The following PCDH15 variants were observed in gnomAD, a reference collection of about 807,000 sequenced individuals.
PCDH15 encodes the protein protocadherin-15.
PCDH15 carries 129 observed loss-of-function variants against 178.5 expected under a neutral mutation model. The ratio of observed to expected loss-of-function variants is 0.72; its 90% CI spans 0.63 to 0.84. The LOEUF is 0.84. Ranked by LOEUF, PCDH15 falls within the 40% of genes least tolerant of loss-of-function variation. The pLI, the probability that PCDH15 is intolerant of heterozygous loss-of-function variation, is 0.00. For synonymous variants in PCDH15, 800 were observed against 732.0 expected (o/e 1.09, Z -1.50); for missense variants, 2,230 against 2,099.9 (o/e 1.06, Z -1.21).
At chr10:54,120,574 G>A (rs183204614) in intron 15 of PCDH15, among the ~76,000 whole-genome samples, 3 of 152,164 alleles carry the variant, frequency 2.0e-5, no homozygotes, top group Admixed American at 6.5e-5. Context: ...GATGCTCAAA[G>A]TAAAGAGATG....
chr10:54,199,567 C>CAATAATAATAATAAT (rs1408960891), intron 10 of PCDH15, among the ~76,000 whole-genome samples: 391 of 89,576 alleles, frequency 4.4e-3, no homozygotes, highest in South Asian at 0.014. Context: ...ACAACAACAA[C>CAATAATAATAATAAT]AACAATAATA....
chr10:54,941,836 C>T lies in PCDH15; in HGVS notation c.-79-44336G>A, dbSNP rs577055678. Among the ~76,000 whole-genome samples the T allele has an allele frequency of 1.2e-4, 18 of 152,122 alleles. No homozygotes were observed. In the South Asian group the frequency reaches 3.5e-3, roughly 30 times the overall value. On this transcript the variant is annotated intron_variant, in intron 2 of 5. Coordinates refer to the PCDH15 transcript ENST00000458638. Reference sequence around the variant, plus strand: ...TTTCCCCCCCGTATTGTACAACAATCTAATATTGATCTTCAAATGATTCAG... The same window carrying T: ...TTTCCCCCCCGTATTGTACAACAATTTAATATTGATCTTCAAATGATTCAG...
intron 7 of PCDH15, among the ~76,000 whole-genome samples, chr10:54,329,084 T>C (rs1025402441): frequency 6.6e-6 from 1 of 151,928 alleles, no homozygotes; most frequent in East Asian, 1.9e-4. Flanking sequence ...ATGGGAATAT[T>C]AGCTGATATC....
At chr10:54,764,490 C>CT (rs35367945) in intron 1 of PCDH15, among the ~76,000 whole-genome samples, 53,639 of 151,818 alleles carry the variant, frequency 0.35, 9,797 homozygotes, top group Middle Eastern at 0.47. Flanking sequence ...ATGCCCCAAA[C>CT]TAAGTAAATG....
chr10:55,005,228 T>TAATAATAATAA (rs1564708136), intron 2 of PCDH15, among the ~76,000 whole-genome samples: 2 of 147,902 alleles, frequency 1.4e-5, no homozygotes, highest in Non-Finnish European at 3.0e-5. Flanking sequence ...ATAATAATAA[T>TAATAATAATAA]CAATGGAGCC....
chr10:54,420,825 T>C (rs1169237775), intron 3 of PCDH15, among the ~76,000 whole-genome samples: 1 of 152,078 alleles, frequency 6.6e-6, no homozygotes, highest in Non-Finnish European at 1.5e-5. Flanking sequence ...GAAATCAGTA[T>C]TTTTTTCTAA....
At chr10:54,447,440 G>A (rs990775652) in intron 3 of PCDH15, among the ~76,000 whole-genome samples, 1 of 151,504 alleles carries the variant, frequency 6.6e-6, no homozygotes, top group African/African-American at 2.4e-5. Flanking sequence ...CTGTTTCTAT[G>A]AGTTTTACTT....
intron 3 of PCDH15, among the ~76,000 whole-genome samples, chr10:54,476,673 G>A (rs2078295328): frequency 6.6e-6 from 1 of 152,004 alleles, no homozygotes; most frequent in South Asian, 2.1e-4. Context: ...TTCATAACAT[G>A]TACTTTCAAT....
In PCDH15 at chr10:55,598,513, AATATATATATATATATATAT is replaced by A. The variant is rs61184409; in HGVS notation, c.-156+29092_-156+29111del. 6.2e-3 allele frequency among the ~76,000 whole-genome samples: 516 copies of A among 83,410 alleles called. 9 individuals carry two copies. The highest frequency in any genetic ancestry group is 0.014 in the Middle Eastern group (2 of 144). 54.7% of individuals were successfully genotyped at this position (83,410 alleles called of 152,430 possible). On this transcript the variant is annotated intron_variant, in intron 2 of 5. Transcript: ENST00000613346. Reference sequence around the variant, plus strand: ...TATAACACCAGCTTCAGCAAACCCTAATATATATATATATATATATATATATATATATATATATATATATA... The same window carrying A: ...TATAACACCAGCTTCAGCAAACCCTAATATATATATATATATATATATATA...
At chr10:54,913,942 C>T (rs759427332) in intron 2 of PCDH15, among the ~76,000 whole-genome samples, 2 of 152,152 alleles carry the variant, frequency 1.3e-5, no homozygotes, top group Non-Finnish European at 2.9e-5. Context: ...TATCTTAGAA[C>T]TAACTATCTT....
chr10:55,309,923 T>A (rs909031922), intron 1 of PCDH15, among the ~76,000 whole-genome samples: 1 of 152,192 alleles, frequency 6.6e-6, no homozygotes, highest in African/African-American at 2.4e-5. Flanking sequence ...TTTAGCCTAT[T>A]TTGATGCTCT....
At chr10:54,649,419 C>T (rs754035156) in intron 2 of PCDH15, among the ~76,000 whole-genome samples, 26 of 152,058 alleles carry the variant, frequency 1.7e-4, no homozygotes, top group Admixed American at 3.9e-4. Flanking sequence ...AATTGCATTC[C>T]GTGAATCCAG....
At chr10:54,640,515 A>T (rs930313533) in intron 2 of PCDH15, among the ~76,000 whole-genome samples, 2 of 152,144 alleles carry the variant, frequency 1.3e-5, no homozygotes, top group Non-Finnish European at 2.9e-5. Context: ...GAAATAATAT[A>T]ATACCTACAA....
intron 2 of PCDH15, among the ~76,000 whole-genome samples, chr10:55,615,037 T>C (rs1843446391): frequency 1.3e-5 from 2 of 152,176 alleles, no homozygotes; most frequent in Non-Finnish European, 2.9e-5. Context: ...TCATTAGATA[T>C]TGGGTTATTT....
intron 2 of PCDH15, among the ~76,000 whole-genome samples, chr10:55,065,389 GT>G (rs1841536998): frequency 6.6e-6 from 1 of 151,858 alleles, no homozygotes; most frequent in South Asian, 2.1e-4. Flanking sequence ...AATCATTCAG[GT>G]TTCGGTTCAA....
Position 54,751,194 on chromosome 10 carries a change from CTTAT to C in PCDH15, c.-29+49727_-29+49730del, listed in dbSNP as rs528194158. Among the ~76,000 whole-genome samples, 9 of 152,150 alleles carry C rather than the reference CTTAT, an allele frequency of 5.9e-5. No homozygotes were observed. The East Asian group carries it at 1.5e-3, about 26-fold the overall frequency. On this transcript the variant is annotated intron_variant, in intron 1 of 37. Coordinates refer to ENST00000644397, the MANE Select transcript of PCDH15 (RefSeq NM_001384140.1). ...TAGAAGGATTCTAATATTTTTAGAA[CTTAT>C]TTATTCTTCCCAACTTTGCCAGATA...
intron 29 of PCDH15, among the ~76,000 whole-genome samples, chr10:53,831,877 A>G (rs1432273045): frequency 1.3e-5 from 2 of 152,170 alleles, no homozygotes; most frequent in African/African-American, 4.8e-5. Flanking sequence ...CCTAAATTAT[A>G]TACCATAGTT....
intron 17 of PCDH15, among the ~76,000 whole-genome samples, chr10:54,067,594 G>C (rs1328717357): frequency 6.6e-6 from 1 of 152,104 alleles, no homozygotes; most frequent in Admixed American, 6.6e-5. Flanking sequence ...GATTCAAGCT[G>C]GAAACTGCTC....
intron 2 of PCDH15, among the ~76,000 whole-genome samples, chr10:55,392,030 A>T (rs1465255381): frequency 6.6e-6 from 1 of 152,178 alleles, no homozygotes; most frequent in Non-Finnish European, 1.5e-5. Flanking sequence ...CAGCTGATAG[A>T]GGGAATTAAG....
Sources: gnomAD v4.1 joint callset for allele counts (sites outside exome capture counted in the v4.1 genomes callset) on GRCh38, gnomAD v4.1.1 for gene constraint, MANE v1.5 for transcripts, NCBI Gene and HGNC (gene_info 2026-07-23, HGNC 2026-07-21) for gene names.